The following XPR1 variants were observed in gnomAD, a reference collection of about 807,000 sequenced individuals.
XPR1 encodes solute carrier family 53 member 1.
Under a neutral mutation model 87.5 loss-of-function variants are expected in XPR1, and 28 were observed. The ratio of observed to expected loss-of-function variants is 0.32; its 90% confidence interval spans 0.24 to 0.44. The LOEUF is 0.44. Among genes scored for constraint, XPR1 ranks in the 20% least tolerant of loss-of-function variants. XPR1 has a pLI of 1.00. For synonymous variants in XPR1, 300 were observed against 306.1 expected (o/e 0.98, Z 0.21); for missense variants, 559 against 862.3 (o/e 0.65, Z 4.41).
At chr1:180,682,337 T>C (rs763793202) in intron 1 of XPR1, 23 bp from the exon 2 acceptor site, 2 of 1,564,412 alleles carry the variant, frequency 1.3e-6, no homozygotes, top group African/African-American at 2.7e-5. Context: ...ATTTCATATA[T>C]TGTTTTTCTT....
At chr1:180,809,251 A>G (rs921193249) in intron 6 of XPR1, among the ~76,000 whole-genome samples, 4 of 152,170 alleles carry the variant, frequency 2.6e-5, no homozygotes, top group African/African-American at 9.6e-5. Flanking sequence ...TTGCTTGTGA[A>G]TAGAGTGGGG....
At chr1:180,837,148 A>G (rs917438776) in intron 11 of XPR1, among the ~76,000 whole-genome samples, 5 of 152,186 alleles carry the variant, frequency 3.3e-5, no homozygotes, top group Non-Finnish European at 5.9e-5. Flanking sequence ...TTTAACTGCA[A>G]ATTGAGTTCT....
intron 1 of XPR1, among the ~76,000 whole-genome samples, chr1:180,636,173 C>T (rs1018094687): frequency 2.0e-5 from 3 of 152,110 alleles, no homozygotes; most frequent in African/African-American, 4.8e-5. Flanking sequence ...ATTTATAGAA[C>T]TCTCCCATGG....
intron 2 of XPR1, among the ~76,000 whole-genome samples, chr1:180,702,956 T>C (rs1657402926): frequency 6.6e-6 from 1 of 152,202 alleles, no homozygotes; most frequent in Non-Finnish European, 1.5e-5. Context: ...CTTTTTCCTG[T>C]AGGCATAACT....
At chr1:180,851,283 C>A (rs1391116444) in intron 11 of XPR1, among the ~76,000 whole-genome samples, 1 of 152,130 alleles carries the variant, frequency 6.6e-6, no homozygotes, top group Non-Finnish European at 1.5e-5. Context: ...CAAACCTTTA[C>A]TGTGGAGTAA....
chr1:180,673,983 A>G (rs1198512938), intron 1 of XPR1, among the ~76,000 whole-genome samples: 1 of 152,230 alleles, frequency 6.6e-6, no homozygotes, highest in African/African-American at 2.4e-5. Flanking sequence ...TACAGGGTCA[A>G]ATAATGTCAC....
rs1656761934 is a variant in XPR1 at position 180,686,049 on chromosome 1, T to G, written c.121+3638T>G. ...GCTAGCTTTTGAATGTGTTTGCTCT[T>G]GCTTTTCTAGTTCTTTTAATCGTGG... On this transcript the variant is annotated intron_variant, in intron 2 of 14. Coordinates refer to ENST00000367590, the MANE Select transcript of XPR1 (RefSeq NM_004736.4). Among the ~76,000 whole-genome samples the G allele has an allele frequency of 2.6e-5, 4 of 152,234 alleles. No individual in the cohort carries two copies. The South Asian group carries it at 8.3e-4, about 31-fold the overall frequency.
intron 2 of XPR1, among the ~76,000 whole-genome samples, chr1:180,745,736 A>C (rs1228167116): frequency 6.6e-6 from 1 of 152,218 alleles, no homozygotes; most frequent in East Asian, 1.9e-4. Flanking sequence ...CAGATACTGA[A>C]GAGGAAAAAT....
At chr1:180,778,544 C>T (rs985767647) in intron 2 of XPR1, among the ~76,000 whole-genome samples, 1 of 152,064 alleles carries the variant, frequency 6.6e-6, no homozygotes, top group African/African-American at 2.4e-5. Flanking sequence ...GGATTGCTGT[C>T]CTGGAAATTG....
At chr1:180,861,772 T>C (rs1652228583) in intron 11 of XPR1, among the ~76,000 whole-genome samples, 1 of 152,052 alleles carries the variant, frequency 6.6e-6, no homozygotes. Flanking sequence ...AAACCAGCTC[T>C]TGGGTGGGAG....
intron 11 of XPR1, among the ~76,000 whole-genome samples, chr1:180,841,372 AT>A (rs61531123): frequency 1.3e-3 from 181 of 144,666 alleles, no homozygotes; most frequent in Admixed American, 1.5e-3. Flanking sequence ...CAGCCTAGGG[AT>A]TTTTTTTTTT....
At chr1:180,718,292 TAGAG>T (rs1658065015) in intron 2 of XPR1, among the ~76,000 whole-genome samples, 1 of 152,158 alleles carries the variant, frequency 6.6e-6, no homozygotes, top group African/African-American at 2.4e-5. Flanking sequence ...AAGTTTAACA[TAGAG>T]TACTTAGGGG....
intron 1 of XPR1, among the ~76,000 whole-genome samples, chr1:180,661,495 G>A (rs1655776743): frequency 6.6e-6 from 1 of 151,316 alleles, no homozygotes; most frequent in Admixed American, 6.6e-5. Flanking sequence ...GTGTGTGTGT[G>A]TGTGTGTGTG....
At chr1:180,852,156 A>G (rs973724475) in intron 11 of XPR1, among the ~76,000 whole-genome samples, 1 of 152,090 alleles carries the variant, frequency 6.6e-6, no homozygotes, top group Admixed American at 6.6e-5. Flanking sequence ...GGTTTCAAAG[A>G]GGAAGTGGTT....
At chr1:180,828,541 T>G (rs146171036) in intron 9 of XPR1, among the ~76,000 whole-genome samples, 1,835 of 152,322 alleles carry the variant, frequency 0.012, 29 homozygotes, top group African/African-American at 0.042. Flanking sequence ...GTTACATAAT[T>G]TAGACATCAG....
chr1:180,875,658 T>A (rs1390901558), intron 13 of XPR1, among the ~76,000 whole-genome samples: 1 of 150,486 alleles, frequency 6.6e-6, no homozygotes, highest in Non-Finnish European at 1.5e-5. Flanking sequence ...GCTCAGGAAA[T>A]AAGAAAGATT....
intron 5 of XPR1, 21 bp downstream of exon 5, chr1:180,806,232 T>G: frequency 6.2e-7 from 1 of 1,605,686 alleles, no homozygotes. Context: ...CTCGTTTATT[T>G]ACAACGTATT....
At chr1:180,666,091 C>G (rs529541397) in intron 1 of XPR1, among the ~76,000 whole-genome samples, 1 of 152,294 alleles carries the variant, frequency 6.6e-6, no homozygotes, top group African/African-American at 2.4e-5. Flanking sequence ...TCTTGGCACC[C>G]TCATAAAAAT....
chr1:180,698,403 A>G (rs1407095006), intron 2 of XPR1, among the ~76,000 whole-genome samples: 1 of 152,062 alleles, frequency 6.6e-6, no homozygotes, highest in Non-Finnish European at 1.5e-5. Flanking sequence ...TTAAGTGGGG[A>G]ATTTAATCCA....
Sources: allele counts gnomAD v4.1 joint callset (sites outside exome capture counted in the v4.1 genomes callset), GRCh38; gene constraint gnomAD v4.1.1; transcripts MANE v1.5; gene names NCBI Gene and HGNC (gene_info 2026-07-23, HGNC 2026-07-21).